ATG10: variants seen among roughly 807,000 people sequenced by gnomAD.
The protein encoded by ATG10 is autophagy related 10, also known as ubiquitin-like-conjugating enzyme ATG10.
Under a neutral mutation model 32.1 loss-of-function variants are expected in ATG10, and 30 were observed. That is an observed-to-expected ratio of 0.94 (90% confidence interval 0.70 to 1.27). The LOEUF is 1.27. Among genes scored for constraint, ATG10 ranks in the 50% most tolerant of loss-of-function variants. The probability of loss-of-function intolerance (pLI) is 0.00; values close to 1 mark genes in which losing one functional copy is unlikely to be tolerated. For synonymous variants in ATG10, 87 were observed against 91.5 expected (o/e 0.95, Z 0.28); for missense variants, 233 against 262.3 (o/e 0.89, Z 0.77).
chr5:82,057,611 G>A (rs1161969986), intron 2 of ATG10, among the ~76,000 whole-genome samples: 1 of 152,124 alleles, frequency 6.6e-6, no homozygotes, highest in Non-Finnish European at 1.5e-5. Flanking sequence ...TGACAATGTG[G>A]TGGGGAATTA....
rs578085615 is a variant in ATG10, at chr5:82,022,277, A to T, written c.108+34599A>T. Among the ~76,000 whole-genome samples the T allele has an allele frequency of 1.2e-4, 18 of 152,012 alleles. No individual in the cohort carries two copies. The South Asian group carries it at 3.7e-3, about 32-fold the overall frequency. On this transcript the variant is annotated intron_variant, in intron 2 of 7. Transcript: ENST00000282185. ...AGACTGGATGTATATACGTATTTTA[A>T]TGCATGTTTAGTTTTTAAAATATGT...
At chr5:82,191,203 T>G (rs531047183) in intron 5 of ATG10, among the ~76,000 whole-genome samples, 1 of 152,360 alleles carries the variant, frequency 6.6e-6, no homozygotes, top group East Asian at 1.9e-4. Flanking sequence ...CTGAAGTTAC[T>G]GATAAATAGC....
intron 5 of ATG10, among the ~76,000 whole-genome samples, chr5:82,230,732 C>CAAAAAAAAAAAAAAAAAAAAAAA (rs397881697): frequency 1.7e-5 from 1 of 58,804 alleles, no homozygotes; most frequent in Non-Finnish European, 3.1e-5. Flanking sequence ...GACTCCGTCT[C>CAAAAAAAAAAAAAAAAAAAAAAA]AAAAAAAAAA....
At chr5:82,178,713 C>A in intron 5 of ATG10, 126 bp downstream of exon 5, 1 of 594,940 alleles carries the variant, frequency 1.7e-6, no homozygotes, top group Non-Finnish European at 2.9e-6. Flanking sequence ...ACATATTTCA[C>A]CTCAAAGACA....
chr5:82,084,502 A>G (rs1764599510), intron 3 of ATG10, among the ~76,000 whole-genome samples: 1 of 152,212 alleles, frequency 6.6e-6, no homozygotes, highest in South Asian at 2.1e-4. Context: ...ATACTCATCA[A>G]GAAGAGCAAC....
intron 3 of ATG10, among the ~76,000 whole-genome samples, chr5:82,151,156 T>C (rs1767578458): frequency 6.6e-6 from 1 of 152,220 alleles, no homozygotes; most frequent in Admixed American, 6.5e-5. Context: ...CTATAATTTA[T>C]ATTTACTTTG....
At chr5:82,231,380 A>G (rs1208810893) in intron 5 of ATG10, among the ~76,000 whole-genome samples, 3 of 152,162 alleles carry the variant, frequency 2.0e-5, no homozygotes, top group Non-Finnish European at 4.4e-5. Flanking sequence ...TAAAAATAAG[A>G]AGTTGTCATT....
At chr5:82,025,791 C>T (rs567010606) in intron 2 of ATG10, among the ~76,000 whole-genome samples, 3 of 152,188 alleles carry the variant, frequency 2.0e-5, no homozygotes, top group South Asian at 4.1e-4. Context: ...TGAAAATTCT[C>T]TGTAGTAGCA....
intron 3 of ATG10, among the ~76,000 whole-genome samples, chr5:82,071,984 G>A (rs908223297): frequency 6.6e-6 from 1 of 152,150 alleles, no homozygotes; most frequent in Non-Finnish European, 1.5e-5. Context: ...GAGTGATGGT[G>A]TCAAGAGTTT....
chr5:82,061,818 CTTTTTT>C (rs11459926), intron 3 of ATG10, among the ~76,000 whole-genome samples: 5 of 80,922 alleles, frequency 6.2e-5, no homozygotes, highest in Admixed American at 2.2e-4. Flanking sequence ...ACACACATAC[CTTTTTT>C]TTTTTTTTTT....
intron 2 of ATG10, among the ~76,000 whole-genome samples, chr5:82,026,351 G>A (rs575996844): frequency 2.0e-5 from 3 of 152,150 alleles, no homozygotes; most frequent in South Asian, 2.1e-4. Flanking sequence ...TTGTATATAC[G>A]TGCCGCATTT....
chr5:82,205,264 C>T (rs1285643967), intron 5 of ATG10, among the ~76,000 whole-genome samples: 2 of 152,080 alleles, frequency 1.3e-5, no homozygotes, highest in African/African-American at 4.8e-5. Flanking sequence ...GATGCCTGAG[C>T]TGGGAGATGA....
intron 3 of ATG10, among the ~76,000 whole-genome samples, chr5:82,105,129 G>T (rs1260301684): frequency 6.6e-6 from 1 of 152,084 alleles, no homozygotes; most frequent in Non-Finnish European, 1.5e-5. Context: ...TCAGTAATTT[G>T]CTGTACTGGT....
chr5:82,049,125 A>G (rs1386610537), intron 2 of ATG10, among the ~76,000 whole-genome samples: 2 of 151,774 alleles, frequency 1.3e-5, no homozygotes, highest in Admixed American at 6.6e-5. Flanking sequence ...ATTATTCACA[A>G]TAGCAAAGAC....
intron 2 of ATG10, 151 bp downstream of exon 2, chr5:81,987,829 C>A (rs1051085251): frequency 1.7e-6 from 1 of 584,876 alleles, no homozygotes; most frequent in African/African-American, 1.9e-5. Flanking sequence ...GAATGTCTTA[C>A]AACAGATGTC....
intron 3 of ATG10, among the ~76,000 whole-genome samples, chr5:82,083,804 A>C (rs1044252615): frequency 6.6e-6 from 1 of 152,234 alleles, no homozygotes; most frequent in Non-Finnish European, 1.5e-5. Flanking sequence ...AAGGACATCC[A>C]CACCAAAACC....
chr5:82,118,387 CATATATATAT>C (rs71605823), intron 3 of ATG10, among the ~76,000 whole-genome samples: 9 of 80,734 alleles, frequency 1.1e-4, no homozygotes, highest in Admixed American at 8.1e-4. Context: ...AATATATGTA[CATATATATAT>C]ATATATATGT....
intron 5 of ATG10, among the ~76,000 whole-genome samples, chr5:82,250,917 G>GC (rs1404240476): frequency 6.6e-6 from 1 of 152,224 alleles, no homozygotes; most frequent in Non-Finnish European, 1.5e-5. Context: ...CTTGGCATAG[G>GC]CCCAACACAT....
At chr5:82,249,372 T>C (rs1287797023) in intron 5 of ATG10, among the ~76,000 whole-genome samples, 2 of 152,214 alleles carry the variant, frequency 1.3e-5, no homozygotes, top group African/African-American at 2.4e-5. Flanking sequence ...GCTTTTAATA[T>C]GCTACTTAAT....
Sources: allele counts gnomAD v4.1 joint callset (sites outside exome capture counted in the v4.1 genomes callset), GRCh38; gene constraint gnomAD v4.1.1; transcripts MANE v1.5; gene names NCBI Gene and HGNC (gene_info 2026-07-23, HGNC 2026-07-21).